Variants in ARL10 observed in about 807,000 individuals in gnomAD.
ARL10 encodes ARF like GTPase 10, also known as ADP-ribosylation factor-like protein 10.
Under a neutral mutation model 26.1 loss-of-function variants are expected in ARL10, and 23 were observed. The ratio of observed to expected loss-of-function variants is 0.88; its 90% CI spans 0.63 to 1.25. ARL10 has a LOEUF of 1.25. ARL10 is among the 50% of genes most tolerant of loss of function. The pLI, the probability that ARL10 is intolerant of heterozygous loss-of-function variation, is 0.00. For synonymous variants in ARL10, 138 were observed against 149.1 expected (o/e 0.93, Z 0.54); for missense variants, 300 against 323.6 (o/e 0.93, Z 0.56).
rs554562371 is a variant in ARL10 at position 176,368,360 on chromosome 5, G to A, written c.386-447G>A. On this transcript the variant is annotated intron_variant, in intron 2 of 3. Transcript: ENST00000310389. The surrounding 1 kb of genome is among the most constrained non-coding windows in gnomAD (Gnocchi z 4.1). ...CATCACTGACAGTTTTGAACCTGTAGGAGAAAGCTAGGAATTAGCAAGAGG... is the reference window on the plus strand; with the variant it reads ...CATCACTGACAGTTTTGAACCTGTAAGAGAAAGCTAGGAATTAGCAAGAGG... Among the ~76,000 whole-genome samples, 8 of 152,264 alleles carry A rather than the reference G, an allele frequency of 5.3e-5. No homozygotes were observed. The South Asian group carries it at 1.7e-3, about 32-fold the overall frequency.
intron 2 of ARL10, among the ~76,000 whole-genome samples, chr5:176,367,298 C>A (rs1418643248): frequency 6.6e-6 from 1 of 151,888 alleles, no homozygotes; most frequent in Non-Finnish European, 1.5e-5. Context: ...CGTAAGCCAT[C>A]GCACCCCACC....
At chr5:176,413,021 C>T in the ARL10 span, among the ~76,000 whole-genome samples, 1 of 152,196 alleles carries the variant, frequency 6.6e-6, no homozygotes, top group Non-Finnish European at 1.5e-5. Context: ...GGGGTCTACC[C>T]TGACCTTCAG....
rs1768676189 is a variant in ARL10 at position 176,375,432 on chromosome 5, T to C, written c.*3537T>C. On this transcript the variant is annotated 3_prime_UTR_variant, in exon 4 of 4. Transcript: ENST00000310389. Reference sequence around the variant, plus strand: ...CTTTTCAATTTAGCATTAACTTTAATTTCCATACAGTTGGCACCTCACTGC... The same window carrying C: ...CTTTTCAATTTAGCATTAACTTTAACTTCCATACAGTTGGCACCTCACTGC... 6.6e-6 allele frequency: 1 copy of C among 152,128 alleles called. No individual in the cohort carries two copies. The highest frequency in any genetic ancestry group is 2.1e-4 in the South Asian group (1 of 4,822). The allele number at this position is 152,128 out of a possible 1,614,324, so 9.4% of individuals were successfully genotyped here. A position where few individuals can be genotyped will look rare whatever the true frequency, so the allele number is the denominator to read the frequency against.
At chr5:176,391,872 G>A (rs1756272598), downstream of ARL10, among the ~76,000 whole-genome samples, 1 of 152,228 alleles carries the variant, frequency 6.6e-6, no homozygotes, top group Non-Finnish European at 1.5e-5. Flanking sequence ...AAGCCAGCTA[G>A]TTCATGTACC....
At chr5:176,387,992 G>C (rs1005992884) in intron 1 of ARL10, among the ~76,000 whole-genome samples, 5 of 152,224 alleles carry the variant, frequency 3.3e-5, no homozygotes, top group Non-Finnish European at 7.3e-5. Context: ...GATGCTAATG[G>C]GTTAATTTCA....
At chr5:176,394,664 A>G (rs1756428362) in intron 1 of ARL10, among the ~76,000 whole-genome samples, 1 of 152,006 alleles carries the variant, frequency 6.6e-6, no homozygotes, top group Non-Finnish European at 1.5e-5. Flanking sequence ...AAATACACAA[A>G]ATTAGCCGGG....
At chr5:176,391,567 G>A (rs1756263434), downstream of ARL10, among the ~76,000 whole-genome samples, 1 of 152,184 alleles carries the variant, frequency 6.6e-6, no homozygotes, top group Admixed American at 6.5e-5. Flanking sequence ...AGCTGAGATT[G>A]CACCACTGCA....
In ARL10 at chr5:176,365,686, C is replaced by A; in HGVS notation, c.123C>A (p.Asp41Glu). The A allele has an allele frequency of 8.0e-7, 1 of 1,244,680 alleles. No homozygotes were observed. Among genetic ancestry groups the A allele is most frequent in the East Asian group, 3.1e-5 (1 of 31,770 alleles). 77.1% of individuals were successfully genotyped at this position (1,244,680 alleles called of 1,614,324 possible). ...GCCGCGGCCGAGAGCGGCGCTGGGA[C>A]CGGGGAGAGGCCTGGTGGGGCGCGG... ...YFGRGRERRW[D>E]RGEAWWGAEA... Residue 41 changes from aspartate to glutamate, a missense_variant, in exon 1 of 4, where the codon GAC (aspartate) becomes GAA (glutamate). Physicochemically the swap from Asp to Glu is conservative, Grantham distance 45. Coordinates refer to ENST00000310389, the MANE Select transcript of ARL10 (RefSeq NM_173664.6).
At chr5:176,383,131 C>A (rs959471780), downstream of ARL10, among the ~76,000 whole-genome samples, 2 of 152,188 alleles carry the variant, frequency 1.3e-5, no homozygotes, top group Admixed American at 1.3e-4. Context: ...AGACTTCAAA[C>A]CCCACCTTGA....
downstream of ARL10, among the ~76,000 whole-genome samples, chr5:176,402,081 T>C (rs112945977): frequency 0.029 from 4,406 of 152,266 alleles, 82 homozygotes; most frequent in Non-Finnish European, 0.045. Context: ...GGCAGGCAGA[T>C]TGCCTGAGCT....
At chr5:176,408,402 G>A in the ARL10 span, among the ~76,000 whole-genome samples, 2 of 152,020 alleles carry the variant, frequency 1.3e-5, no homozygotes, top group Non-Finnish European at 2.9e-5. Flanking sequence ...TAGGCGTGGT[G>A]GCGGGTGCCT....
downstream of ARL10, chr5:176,392,570 G>C (rs1292844627): frequency 5.8e-5 from 34 of 583,760 alleles, no homozygotes; most frequent in Non-Finnish European, 9.2e-6. The surrounding 1 kb of genome is among the most constrained non-coding windows in gnomAD (Gnocchi z 5.2). Context: ...AGTAGACTGA[G>C]AGGAGGCGTG....
rs373235269 is a variant in ARL10, at chr5:176,368,914, C to A, written c.493C>A (p.Arg165=). 5.6e-6 allele frequency: 9 copies of A among 1,614,064 alleles called. No individual in the cohort carries two copies. Among genetic ancestry groups the A allele is most frequent in the Non-Finnish European group, 6.8e-6 (8 of 1,180,032 alleles). Reference sequence around the variant, plus strand: ...TGACCGACTGCGGCTGCCCTGGGCCCGACAGGAGCTGCACAAGCTGCTGGA... The same window carrying A: ...TGACCGACTGCGGCTGCCCTGGGCCAGACAGGAGCTGCACAAGCTGCTGGA... The part of the protein sequence containing the change: ...SADRLRLPWA[R]QELHKLLDKD... Residue 165 remains arginine, a synonymous_variant, in exon 3 of 4, where the codon CGA becomes AGA. Transcript: ENST00000310389. The surrounding 1 kb of genome is among the most constrained non-coding windows in gnomAD (Gnocchi z 4.1).
chr5:176,409,453 T>C, the ARL10 span, among the ~76,000 whole-genome samples: 1 of 119,286 alleles, frequency 8.4e-6, no homozygotes, highest in Non-Finnish European at 1.7e-5. Context: ...CACTCTCATC[T>C]CCCAGGCTGG....
At chr5:176,400,609 G>C (rs759832736) in intron 1 of ARL10, among the ~76,000 whole-genome samples, 2 of 152,086 alleles carry the variant, frequency 1.3e-5, no homozygotes, top group Non-Finnish European at 2.9e-5. Flanking sequence ...TGGCACCCAC[G>C]CCCTCCGCAT....
Position 176,373,026 on chromosome 5 carries a change from A to G in ARL10, c.*1131A>G. 1 of 398,654 alleles carries G rather than the reference A, an allele frequency of 2.5e-6. No individual in the cohort carries two copies. Among genetic ancestry groups the G allele is most frequent in the East Asian group, 3.6e-5 (1 of 28,090 alleles). The allele number at this position is 398,654 out of a possible 1,614,324, so 24.7% of individuals were successfully genotyped here. ...ATCATAGTACTTTACATGGATTCAC[A>G]TGAACTGAAACGCCACCACTTGGCC... On this transcript the variant is annotated 3_prime_UTR_variant, in exon 4 of 4. Transcript: ENST00000310389.
chr5:176,369,059 C>T (rs749987250), intron 3 of ARL10, 77 bp downstream of exon 3: 1 of 1,571,312 alleles, frequency 6.4e-7, no homozygotes, highest in Admixed American at 1.8e-5. Context: ...GGAGCGCTGC[C>T]TGGGCCCATG....
In ARL10 at chr5:176,369,171, G is replaced by A. The variant is rs189355583; in HGVS notation, c.561+189G>A. On this transcript the variant is annotated intron_variant, in intron 3 of 3. Coordinates refer to ENST00000310389, the MANE Select transcript of ARL10 (RefSeq NM_173664.6). ...TTCCTCTTTGCCTCCCTATCATCTC[G>A]TACTCTGGAGAGATGAGAAAAATAA... 4.8e-4 allele frequency: 735 copies of A among 1,532,748 alleles called. 3 individuals carry two copies. In the Middle Eastern group the frequency reaches 0.014, roughly 30 times the overall value. 94.9% of individuals were successfully genotyped at this position (1,532,748 alleles called of 1,614,324 possible).
chr5:176,392,951 G>A (rs1561789584), downstream of ARL10: 9 of 1,613,932 alleles, frequency 5.6e-6, no homozygotes, highest in Non-Finnish European at 7.6e-6. The surrounding 1 kb of genome is among the most constrained non-coding windows in gnomAD (Gnocchi z 5.2). Flanking sequence ...ATGCCCTGCG[G>A]GTGGAGATAG....
Sources: allele counts gnomAD v4.1 joint callset (sites outside exome capture counted in the v4.1 genomes callset), GRCh38; gene constraint gnomAD v4.1.1; non-coding constraint Gnocchi (gnomAD v3.1); transcripts MANE v1.5; gene names NCBI Gene and HGNC (gene_info 2026-07-23, HGNC 2026-07-21).